Variants in SSC5D observed in about 807,000 individuals in gnomAD.
SSC5D encodes the protein soluble scavenger receptor cysteine-rich domain-containing protein SSC5D.
SSC5D carries 106 observed loss-of-function variants against 104.6 expected under a neutral mutation model. The observed-to-expected ratio is 1.01, with a 90% CI of 0.87 to 1.19. The LOEUF is 1.19. Ranked by LOEUF, SSC5D falls within the 50% of genes most tolerant of loss-of-function variation. The pLI is 0.00. For synonymous variants in SSC5D, 860 were observed against 883.5 expected, an observed-to-expected ratio of 0.97 and a Z score of 0.47; for missense variants, 1,993 against 2,153.8, an observed-to-expected ratio of 0.93 and a Z score of 1.48.
At chr19:55,507,806 C>T (rs1217562169) in intron 12 of SSC5D, among the ~76,000 whole-genome samples, 2 of 151,684 alleles carry the variant, frequency 1.3e-5, no homozygotes, top group East Asian at 1.9e-4. Context: ...GGGACTAGAG[C>T]GGAGTGTTGG....
chr19:55,514,533 G>A (rs1314668281), intron 13 of SSC5D, among the ~76,000 whole-genome samples: 1 of 147,586 alleles, frequency 6.8e-6, no homozygotes, highest in East Asian at 2.0e-4. Context: ...CCTGGGAGGC[G>A]GAGGTTGCAG....
At chr19:55,509,980 C>T (rs563318808) in intron 12 of SSC5D, among the ~76,000 whole-genome samples, 11 of 151,086 alleles carry the variant, frequency 7.3e-5, no homozygotes, top group South Asian at 2.1e-4. Flanking sequence ...AAAAGGAAGA[C>T]GGCTTCAATT....
intron 7 of SSC5D, 127 bp downstream of exon 7, chr19:55,494,039 C>G (rs1470070492): frequency 1.1e-6 from 1 of 895,742 alleles, no homozygotes; most frequent in African/African-American, 1.7e-5. Context: ...TTCCACTCCC[C>G]CATCTTATTC....
At position 55,501,039 on chromosome 19, in the gene SSC5D, A is replaced by C; in HGVS notation, c.2623A>C (p.Thr875Pro). The C allele has an allele frequency of 2.6e-6, 4 of 1,551,946 alleles. No homozygotes were observed. Among genetic ancestry groups the C allele is most frequent in the Non-Finnish European group, 3.5e-6 (4 of 1,147,028 alleles). The change falls in exon 12 of 14, where the codon ACA becomes CCA. Residue 875 changes from threonine to proline, a missense_variant. This residue lies in a region of SSC5D where 423 missense variants were observed against 409.2 expected (regional missense o/e 1.03). Transcript: ENST00000389623. ...TTACCCCAATTTCTCCAAAGGCTAC[A>C]CAGACTATGACGATTATCCCCCCTG... ...EDVGLTCTGY[T>P]DYDDYPPWTW...
Position 55,500,797 on chromosome 19 carries a change from C to G in SSC5D, c.2610C>G (p.Thr870=), listed in dbSNP as rs968683218. The change falls in exon 11 of 14, where the codon ACC becomes ACG. Residue 870 remains threonine (T), a synonymous_variant. Coordinates refer to ENST00000389623, the MANE Select transcript of SSC5D (RefSeq NM_001144950.2). The surrounding 1 kb of genome is among the most constrained non-coding windows in gnomAD (Gnocchi z 4.6). The part of the protein sequence containing the change: ...NCDHEEDVGL[T]CTGYTDYDDY... The stretch of plus-strand genomic sequence containing the variant: ...ACCACGAGGAAGACGTGGGGCTCAC[C>G]TGCACTGGTACCAGGGCATGGCGGC... 3 of 1,547,974 alleles carry G rather than the reference C, an allele frequency of 1.9e-6. No individual in the cohort carries two copies. The highest frequency in any genetic ancestry group is 3.3e-4 in the Middle Eastern group (2 of 5,988).
chr19:55,494,670 G>A lies in SSC5D; in HGVS notation c.1274G>A (p.Arg425Lys), dbSNP rs1987260759. Residue 425 changes from arginine to lysine, a missense_variant, in exon 8 of 14, where the codon AGG becomes AAG. Transcript: ENST00000389623. ...APTDSNNSTP[R>K]EAASRPPSTM... is the part of the protein sequence containing the mutation. ...ACGGACAGCAACAACTCCACGCCCA[G>A]GGAGGCTGCCTCCAGGCCCCCGTCC... is the stretch of plus-strand genomic sequence containing the variant. 6.5e-7 allele frequency: 1 copy of A among 1,548,226 alleles called. No individual in the cohort carries two copies. Among genetic ancestry groups the A allele is most frequent in the Non-Finnish European group, 8.7e-7 (1 of 1,145,694 alleles).
rs76722696 is a variant in SSC5D, at chr19:55,503,818, CTT to C, written c.2785+2626_2785+2627del. Among the ~76,000 whole-genome samples the C allele has an allele frequency of 8.0e-5, 12 of 150,762 alleles. No individual in the cohort carries two copies. The highest frequency in any genetic ancestry group is 2.4e-4 in the African/African-American group (10 of 41,076). On this transcript the variant is annotated intron_variant, in intron 12 of 13. Transcript: ENST00000389623. The surrounding 1 kb of genome is among the most constrained non-coding windows in gnomAD (Gnocchi z 4.0). ...TCTCGCCGCAAGCGTCCTTTCCCGCCTTTTTTTTTTCTGGCGCTCAGCACGCA... is the reference window on the plus strand; with the variant it reads ...TCTCGCCGCAAGCGTCCTTTCCCGCCTTTTTTTTCTGGCGCTCAGCACGCA...
At chr19:55,511,882 G>C (rs1987763881) in intron 12 of SSC5D, among the ~76,000 whole-genome samples, 1 of 152,316 alleles carries the variant, frequency 6.6e-6, no homozygotes, top group African/African-American at 2.4e-5. Flanking sequence ...AAGTTGGTTT[G>C]ATGATTCGGA....
Position 55,518,790 on chromosome 19 carries a change from A to G in SSC5D, c.4514A>G (p.Gln1505Arg). Residue 1505 changes from glutamine (Q) to arginine (R), a missense_variant, in exon 14 of 14, where the codon CAG becomes CGG. By Grantham distance (43) the Gln-to-Arg change is conservative. Coordinates refer to ENST00000389623, the MANE Select transcript of SSC5D (RefSeq NM_001144950.2). Reference sequence around the variant, plus strand: ...GTGAGGGATGTGGGTGGTCAGCTGCAGAGACTGACCCAGGTCGTGGAACAG... The same window carrying G: ...GTGAGGGATGTGGGTGGTCAGCTGCGGAGACTGACCCAGGTCGTGGAACAG... ...AAVRDVGGQL[Q>R]RLTQVVEQER... 1 of 1,550,608 alleles carries G rather than the reference A, an allele frequency of 6.4e-7. No individual in the cohort carries two copies. Among genetic ancestry groups the G allele is most frequent in the Non-Finnish European group, 8.7e-7 (1 of 1,146,972 alleles).
chr19:55,504,339 A>G (rs1005490432), intron 12 of SSC5D: 7 of 1,406,678 alleles, frequency 5.0e-6, no homozygotes, highest in Non-Finnish European at 5.5e-6. Flanking sequence ...GGTGAAATGA[A>G]AAGACAGCCA....
Position 55,494,674 on chromosome 19 carries a change from G to A in SSC5D, c.1278G>A (p.Glu426=). The change falls in exon 8 of 14, where the codon GAG becomes GAA. Residue 426 remains glutamate, a synonymous_variant. Coordinates refer to ENST00000389623, the MANE Select transcript of SSC5D (RefSeq NM_001144950.2). ...ACAGCAACAACTCCACGCCCAGGGA[G>A]GCTGCCTCCAGGCCCCCGTCCACCA... ...PTDSNNSTPR[E]AASRPPSTMT... is the part of the protein sequence containing the mutation. 1 of 1,547,964 alleles carries A rather than the reference G, an allele frequency of 6.5e-7. No homozygotes were observed. The highest frequency in any genetic ancestry group is 1.2e-5 in the South Asian group (1 of 83,684).
Position 55,518,710 on chromosome 19 carries a change from A to G in SSC5D, c.4434A>G (p.Pro1478=), listed in dbSNP as rs1478080543. 1 of 1,547,354 alleles carries G rather than the reference A, an allele frequency of 6.5e-7. No individual in the cohort carries two copies. Residue 1478 remains proline (P), a synonymous_variant, in exon 14 of 14, where the codon CCA becomes CCG. Transcript: ENST00000389623. ...ATGGTCCATGTGTGGCCCCAACACC[A>G]CCTGTAAGGGTCATGGCTTGTGAGC... ...GPHGPCVAPT[P]PVRVMACEPP... is the part of the protein sequence containing the mutation.
In SSC5D at chr19:55,518,475, C is replaced by A. The variant is rs541869609; in HGVS notation, c.4199C>A (p.Thr1400Lys). 6.4e-7 allele frequency: 1 copy of A among 1,551,390 alleles called. No homozygotes were observed. The highest frequency in any genetic ancestry group is 8.7e-7 in the Non-Finnish European group (1 of 1,146,954). The change falls in exon 14 of 14, where the codon ACA (threonine) becomes AAA (lysine). Residue 1400 changes from threonine to lysine, a missense_variant. Transcript: ENST00000389623. ...AGCCCCTCCAGGTCCTCCACAGCCA[C>A]AAGCATGGACCCACTGTCCACTGAG... is the stretch of plus-strand genomic sequence containing the variant. ...ESSPSRSSTA[T>K]SMDPLSTEDF...
At chr19:55,490,494 T>A in intron 5 of SSC5D, 86 bp downstream of exon 5, 1 of 618,798 alleles carries the variant, frequency 1.6e-6, no homozygotes. Context: ...GCGGGCGCCC[T>A]CTCCTTAGCC....
Position 55,491,036 on chromosome 19 carries a change from G to A in SSC5D, c.851G>A (p.Arg284Gln), listed in dbSNP as rs752190323. The A allele has an allele frequency of 7.6e-5, 118 of 1,550,208 alleles. 1 individual carries two copies. In the Middle Eastern group the frequency reaches 5.3e-3, roughly 70 times the overall value. ...GACTGCCCCCGAAGCCCCTGGGGCC[G>A]GAGCAACTGTGACCACAGCGAGGAT... ...LRDCPRSPWG[R>Q]SNCDHSEDAG... is the part of the protein sequence containing the mutation. The change falls in exon 6 of 14, where the codon CGG becomes CAG. Residue 284 changes from arginine to glutamine, a missense_variant. Physicochemically the swap from Arg to Gln is conservative, Grantham distance 43. Transcript: ENST00000389623.
At chr19:55,494,449 G>A (rs1363580058) in intron 7 of SSC5D, among the ~76,000 whole-genome samples, 161 bp from the exon 8 acceptor site, 4 of 152,188 alleles carry the variant, frequency 2.6e-5, no homozygotes, top group African/African-American at 7.2e-5. Context: ...CCCAGGTCAG[G>A]GATGTGGAAA....
Position 55,500,685 on chromosome 19 carries a change from C to T in SSC5D, c.2498C>T (p.Pro833Leu). Residue 833 changes from proline to leucine, a missense_variant, in exon 11 of 14, where the codon CCC becomes CTC. Pro to Leu is a moderately conservative substitution (Grantham distance 98). Transcript: ENST00000389623. The surrounding 1 kb of genome is among the most constrained non-coding windows in gnomAD (Gnocchi z 4.6). The stretch of plus-strand genomic sequence containing the variant: ...ACCCATTACGGCCCTGGGACTGGGC[C>T]CATCTGGCTGGATGACATGGGCTGT... ...GKTHYGPGTG[P>L]IWLDDMGCKG... 3 of 1,551,716 alleles carry T rather than the reference C, an allele frequency of 1.9e-6. No homozygotes were observed. Among genetic ancestry groups the T allele is most frequent in the Non-Finnish European group, 2.6e-6 (3 of 1,147,010 alleles).
At position 55,493,790 on chromosome 19, in the gene SSC5D, G is replaced by A; in HGVS notation, c.1091G>A (p.Gly364Glu). The A allele has an allele frequency of 1.3e-6, 2 of 1,548,330 alleles. No homozygotes were observed. Among genetic ancestry groups the A allele is most frequent in the Non-Finnish European group, 1.7e-6 (2 of 1,146,322 alleles). The change falls in exon 7 of 14, where the codon GGA becomes GAA. Residue 364 changes from glycine (G) to glutamate (E), a missense_variant. Gly to Glu is a moderately conservative substitution (Grantham distance 98). This residue lies in a region of SSC5D where 1,101 missense variants were observed against 1,085.0 expected (regional missense o/e 1.01). Transcript: ENST00000389623. ...PGGAFFGEGS[G>E]PIILDDLRCR... ...GGCGCCTTCTTTGGGGAGGGGTCTG[G>A]ACCCATCATCCTGGACGACCTTCGG...
In SSC5D at chr19:55,517,970, A is replaced by G. The variant is rs1471156312; in HGVS notation, c.3694A>G (p.Thr1232Ala). The change falls in exon 14 of 14, where the codon ACA (threonine) becomes GCA (alanine). Residue 1232 changes from threonine to alanine, a missense_variant. Coordinates refer to ENST00000389623, the MANE Select transcript of SSC5D (RefSeq NM_001144950.2). ...PQPFTTMQPTTTPHSTTPHPT... is the reference protein window; with the variant it reads ...PQPFTTMQPTATPHSTTPHPT... ...ACCCTTCACCACCATGCAGCCCACC[A>G]CAACCCCTCACTCCACAACCCCTCA... 1 of 1,520,632 alleles carries G rather than the reference A, an allele frequency of 6.6e-7. No homozygotes were observed. Among genetic ancestry groups the G allele is most frequent in the Non-Finnish European group, 8.8e-7 (1 of 1,137,970 alleles). 94.2% of individuals were successfully genotyped at this position (1,520,632 alleles called of 1,614,324 possible).
Sources: gnomAD v4.1 joint callset for allele counts (sites outside exome capture counted in the v4.1 genomes callset) on GRCh38, gnomAD v4.1.1 for gene constraint, gnomAD v4.1.1 regional missense constraint, Gnocchi (gnomAD v3.1) non-coding constraint, MANE v1.5 for transcripts, NCBI Gene and HGNC (gene_info 2026-07-23, HGNC 2026-07-21) for gene names.